CDHR1: variants seen among roughly 807,000 people sequenced by gnomAD.
CDHR1 encodes cadherin-related family member 1.
CDHR1 carries 61 observed loss-of-function variants against 72.1 expected under a neutral mutation model. That is an observed-to-expected ratio of 0.85 (90% CI 0.69 to 1.05). The LOEUF is 1.05. Ranked by LOEUF, CDHR1 falls within the 50% of genes least tolerant of loss-of-function variation. The probability of loss-of-function intolerance (pLI) is 0.00; values close to 1 mark genes in which losing one functional copy is unlikely to be tolerated. For synonymous variants in CDHR1, 470 were observed against 448.1 expected (o/e 1.05, Z -0.62); for missense variants, 1,186 against 1,115.7 (o/e 1.06, Z -0.90).
At position 84,214,922 on chromosome 10, in the gene CDHR1, T is replaced by C; in HGVS notation, c.*301T>C. Reference sequence around the variant, plus strand: ...GCCCTCCATTCTTCAGGGCTGAGAATTGACGAGAAGCCAGCTCACCCATCC... The same window carrying C: ...GCCCTCCATTCTTCAGGGCTGAGAACTGACGAGAAGCCAGCTCACCCATCC... On this transcript the variant is annotated 3_prime_UTR_variant, in exon 17 of 17. Transcript: ENST00000623527. 2.3e-6 allele frequency: 3 copies of C among 1,324,946 alleles called. No homozygotes were observed. The highest frequency in any genetic ancestry group is 1.9e-6 in the Non-Finnish European group (2 of 1,032,112). 82.1% of individuals were successfully genotyped at this position (1,324,946 alleles called of 1,614,324 possible). A position where few individuals can be genotyped will look rare whatever the true frequency, so the allele number is the denominator to read the frequency against.
At chr10:84,210,909 G>C in intron 12 of CDHR1, 92 bp from the exon 13 acceptor site, 1 of 1,383,684 alleles carries the variant, frequency 7.2e-7, no homozygotes, top group African/African-American at 1.4e-5. Flanking sequence ...ACGGCAGATG[G>C]ATGCCACATC....
In CDHR1 at chr10:84,214,557, C is replaced by T; in HGVS notation, c.2516C>T (p.Thr839Ile). The stretch of plus-strand genomic sequence containing the variant: ...ACTATGGGAAGCCCCGTCCAGTCAA[C>T]TCTGATCTCTGAGCTCAAGCAAAAG... The part of the protein sequence containing the change: ...PKTMGSPVQS[T>I]LISELKQKFE... Residue 839 changes from threonine to isoleucine, a missense_variant, in exon 17 of 17, where the codon ACT becomes ATT. By Grantham distance (89) the Thr-to-Ile change is moderately conservative. Coordinates refer to ENST00000623527, the MANE Select transcript of CDHR1 (RefSeq NM_033100.4). 1 of 1,601,096 alleles carries T rather than the reference C, an allele frequency of 6.2e-7. No homozygotes were observed.
intron 5 of CDHR1, 49 bp downstream of exon 5, chr10:84,199,170 G>A (rs554979656): frequency 6.8e-7 from 1 of 1,477,170 alleles, no homozygotes; most frequent in East Asian, 2.5e-5. Context: ...CAGGCCCATA[G>A]CCTACCCCTG....
Position 84,214,797 on chromosome 10 carries a change from T to C in CDHR1, c.*176T>C. On this transcript the variant is annotated 3_prime_UTR_variant, in exon 17 of 17. Coordinates refer to ENST00000623527, the MANE Select transcript of CDHR1 (RefSeq NM_033100.4). ...CTTCTGGCGCAACAAGAAGTTGCGC[T>C]CTGACAGGGCTCTAGTCAGGGCCTT... is the stretch of plus-strand genomic sequence containing the variant. The C allele has an allele frequency of 5.8e-6, 9 of 1,538,814 alleles. No individual in the cohort carries two copies. Among genetic ancestry groups the C allele is most frequent in the Non-Finnish European group, 7.0e-6 (8 of 1,150,154 alleles).
intron 3 of CDHR1, 137 bp downstream of exon 3, chr10:84,196,787 C>T (rs920054758): frequency 4.3e-5 from 42 of 987,430 alleles, no homozygotes; most frequent in East Asian, 1.2e-4. Flanking sequence ...GGCACATCCA[C>T]TCTGTGAGAT....
downstream of CDHR1, chr10:84,219,059 A>G (rs1179898133): frequency 2.4e-6 from 2 of 838,944 alleles, no homozygotes; most frequent in African/African-American, 1.7e-5. Flanking sequence ...CTAATGTACT[A>G]TTATTATTCT....
chr10:84,215,766 G>A lies in CDHR1; in HGVS notation c.*1145G>A. On this transcript the variant is annotated 3_prime_UTR_variant, in exon 17 of 17. Transcript: ENST00000623527. ...AGGAGCCTCACATCTACTCTGCCAA[G>A]CGCCCCAGCAGGCACTGTGCTGGGC... 2 of 985,494 alleles carry A rather than the reference G, an allele frequency of 2.0e-6. No individual in the cohort carries two copies. Among genetic ancestry groups the A allele is most frequent in the Non-Finnish European group, 2.4e-6 (2 of 829,970 alleles). The allele number at this position is 985,494 out of a possible 1,614,324, so 61.0% of individuals were successfully genotyped here.
Position 84,214,193 on chromosome 10 carries a change from C to G in CDHR1, c.2152C>G (p.Leu718Val). The G allele has an allele frequency of 6.2e-7, 1 of 1,614,192 alleles. No individual in the cohort carries two copies. The highest frequency in any genetic ancestry group is 2.2e-5 in the East Asian group (1 of 44,874). The change falls in exon 17 of 17, where the codon CTC becomes GTC. Residue 718 changes from leucine (L) to valine (V), a missense_variant. Transcript: ENST00000623527. ...GGCCACCGTCGTGGCCATCACTGTC[C>G]TCATCTCCACCGCCACCTTCTGGCG... ...TMATVVAITV[L>V]ISTATFWRNK... is the part of the protein sequence containing the mutation.
In CDHR1 at chr10:84,205,928, G is replaced by A. The variant is rs1345328612; in HGVS notation, c.963+1G>A. 6.2e-7 allele frequency: 1 copy of A among 1,611,324 alleles called. No individual in the cohort carries two copies. Among genetic ancestry groups the A allele is most frequent in the South Asian group, 1.1e-5 (1 of 90,970 alleles). On this transcript the variant is annotated splice_donor_variant, in intron 10 of 16. Coordinates refer to ENST00000623527, the MANE Select transcript of CDHR1 (RefSeq NM_033100.4). LOFTEE classifies it high-confidence loss of function. Reference sequence around the variant, plus strand: ...AGAGGTGTATGAGCTGCATGTACAGGTACCCTCCCTCTAGCTTTGTCTTCC... The same window carrying A: ...AGAGGTGTATGAGCTGCATGTACAGATACCCTCCCTCTAGCTTTGTCTTCC...
chr10:84,202,301 G>A (rs1460632874), intron 7 of CDHR1, among the ~76,000 whole-genome samples: 1 of 152,146 alleles, frequency 6.6e-6, no homozygotes, highest in Non-Finnish European at 1.5e-5. Flanking sequence ...CTGAGCCTCA[G>A]TTTCCTCATC....
chr10:84,210,218 T>A (rs1452677451), intron 12 of CDHR1, among the ~76,000 whole-genome samples: 1 of 151,984 alleles, frequency 6.6e-6, no homozygotes, highest in Non-Finnish European at 1.5e-5. Flanking sequence ...AGACTCGTTT[T>A]TTTTGTTTTT....
In CDHR1 at chr10:84,206,838, G is replaced by A. The variant is rs778563222; in HGVS notation, c.963+911G>A. 2.3e-4 allele frequency among the ~76,000 whole-genome samples: 35 copies of A among 152,232 alleles called. 1 individual carries two copies. The highest frequency in any genetic ancestry group is 1.9e-4 in the East Asian group (1 of 5,198). On this transcript the variant is annotated intron_variant, in intron 10 of 16. Transcript: ENST00000623527. ...TTCAGAGGGAACTAGATGAGAGGTA[G>A]AGCCATCGGCCAAAGTAACAGAGGA...
chr10:84,209,931 A>G (rs1381695556), intron 12 of CDHR1, among the ~76,000 whole-genome samples: 2 of 152,224 alleles, frequency 1.3e-5, no homozygotes, highest in African/African-American at 4.8e-5. Flanking sequence ...AAGTTAATAA[A>G]GAATTTGGTT....
intron 5 of CDHR1, among the ~76,000 whole-genome samples, 196 bp from the exon 6 acceptor site, chr10:84,200,405 C>T (rs1476172813): frequency 6.6e-6 from 1 of 152,046 alleles, no homozygotes; most frequent in Non-Finnish European, 1.5e-5. Flanking sequence ...TCTTTTTGCT[C>T]CAATTTCCCT....
At chr10:84,208,939 G>T in intron 12 of CDHR1, 58 bp downstream of exon 12, 1 of 1,564,180 alleles carries the variant, frequency 6.4e-7, no homozygotes, top group Non-Finnish European at 8.7e-7. Flanking sequence ...ATTCATACCA[G>T]CATCTTGGTT....
chr10:84,201,184 T>C (rs559438754), intron 6 of CDHR1, among the ~76,000 whole-genome samples: 87 of 152,312 alleles, frequency 5.7e-4, no homozygotes, highest in Non-Finnish European at 1.0e-3. Context: ...ATGTATCACA[T>C]GGGAGTGATA....
At chr10:84,202,419 C>T (rs931862174) in intron 7 of CDHR1, among the ~76,000 whole-genome samples, 3 of 152,192 alleles carry the variant, frequency 2.0e-5, no homozygotes, top group Non-Finnish European at 2.9e-5. Context: ...CCACAAAGAG[C>T]GCAAAACCCT....
At position 84,205,880 on chromosome 10, in the gene CDHR1, C is replaced by T; in HGVS notation, c.916C>T (p.Gln306Ter). Residue 306 changes from glutamine (Q) to a stop codon, truncating the protein, a stop_gained, in exon 10 of 17, where the codon CAG becomes TAG. Transcript: ENST00000623527. LOFTEE classifies it high-confidence loss of function. ...GACATCTGGAGCCATCTCCATCACT[C>T]AGAGCCCGGCCCAGCTCCAGAGAGA... ...NETSGAISIT[Q>*]SPAQLQREVY... 6.2e-7 allele frequency: 1 copy of T among 1,614,168 alleles called. No individual in the cohort carries two copies.
chr10:84,205,898 C>T lies in CDHR1; in HGVS notation c.934C>T (p.Gln312Ter). Residue 312 changes from glutamine (Q) to a stop codon, truncating the protein, a stop_gained, in exon 10 of 17, where the codon CAG (glutamine) becomes TAG (stop). Coordinates refer to ENST00000623527, the MANE Select transcript of CDHR1 (RefSeq NM_033100.4). LOFTEE classifies it high-confidence loss of function. ...ISITQSPAQL[Q>*]REVYELHVQV... is the part of the protein sequence containing the mutation. Reference sequence around the variant, plus strand: ...CATCACTCAGAGCCCGGCCCAGCTCCAGAGAGAGGTGTATGAGCTGCATGT... The same window carrying T: ...CATCACTCAGAGCCCGGCCCAGCTCTAGAGAGAGGTGTATGAGCTGCATGT... The T allele has an allele frequency of 6.2e-7, 1 of 1,614,064 alleles. No homozygotes were observed. Among genetic ancestry groups the T allele is most frequent in the South Asian group, 1.1e-5 (1 of 91,066 alleles).
Sources: gnomAD v4.1 joint callset for allele counts (sites outside exome capture counted in the v4.1 genomes callset) on GRCh38, gnomAD v4.1.1 for gene constraint, MANE v1.5 for transcripts, NCBI Gene and HGNC (gene_info 2026-07-23, HGNC 2026-07-21) for gene names.